Variants in PTPRR observed in about 807,000 individuals in gnomAD.
PTPRR encodes the protein receptor-type tyrosine-protein phosphatase R.
A neutral mutation model predicts 77.2 loss-of-function variants in PTPRR; 38 were observed. The ratio of observed to expected loss-of-function variants is 0.49; its 90% confidence interval spans 0.38 to 0.65. The LOEUF (loss-of-function observed/expected upper bound fraction) is 0.65, where lower values mean the gene tolerates loss of function less well. Among genes scored for constraint, PTPRR ranks in the 30% least tolerant of loss-of-function variants. The pLI is 0.00. For missense variants in PTPRR, 744 were observed against 799.2 expected, an observed-to-expected ratio of 0.93 and a Z score of 0.83; for synonymous variants, 299 against 283.1, an observed-to-expected ratio of 1.06 and a Z score of -0.57.
Position 70,746,102 on chromosome 12 carries a change from TA to T in PTPRR, c.739-17del, listed in dbSNP as rs764108650. 4 of 1,598,594 alleles carry T rather than the reference TA, an allele frequency of 2.5e-6. No individual in the cohort carries two copies. The highest frequency in any genetic ancestry group is 2.2e-5 in the South Asian group (2 of 89,282). On this transcript the variant is annotated splice_polypyrimidine_tract_variant and intron_variant, in intron 5 of 13. Coordinates refer to ENST00000283228, the MANE Select transcript of PTPRR (RefSeq NM_002849.4). The stretch of plus-strand genomic sequence containing the variant: ...TGTAAAGAATCTATAGAAGGAGATA[TA>T]AAAAACTCCTGTCACATTTTCTCAC...
At chr12:70,787,485 C>G (rs1891346953) in intron 2 of PTPRR, among the ~76,000 whole-genome samples, 1 of 152,128 alleles carries the variant, frequency 6.6e-6, no homozygotes, top group Non-Finnish European at 1.5e-5. Flanking sequence ...AGCTTAATTT[C>G]TTTTAAATGA....
At chr12:70,771,562 A>T (rs2904517) in intron 2 of PTPRR, among the ~76,000 whole-genome samples, 55,761 of 151,834 alleles carry the variant, frequency 0.37, 12,284 homozygotes, top group African/African-American at 0.62. Context: ...TTGATTTTTT[A>T]AAAAGATGGT....
chr12:70,831,355 T>C (rs1260374969), intron 2 of PTPRR, among the ~76,000 whole-genome samples: 1 of 152,194 alleles, frequency 6.6e-6, no homozygotes, highest in Non-Finnish European at 1.5e-5. Context: ...CCCAGCAGTC[T>C]TACTATACTA....
intron 2 of PTPRR, among the ~76,000 whole-genome samples, chr12:70,824,814 AAAGCTGACTCTC>A (rs764629194): frequency 2.0e-5 from 3 of 152,186 alleles, no homozygotes; most frequent in Non-Finnish European, 4.4e-5. Context: ...GGGACTAAAC[AAAGCTGACTCTC>A]ACATACTGCT....
At chr12:70,734,519 G>C (rs1257033832) in intron 6 of PTPRR, among the ~76,000 whole-genome samples, 2 of 152,114 alleles carry the variant, frequency 1.3e-5, no homozygotes, top group Non-Finnish European at 2.9e-5. Flanking sequence ...TGGGGGTCAG[G>C]GTGGAAGGGC....
In PTPRR at chr12:70,764,754, G is replaced by C; in HGVS notation, c.382C>G (p.Leu128Val). 1.9e-6 allele frequency: 3 copies of C among 1,613,950 alleles called. No homozygotes were observed. Among genetic ancestry groups the C allele is most frequent in the Non-Finnish European group, 2.5e-6 (3 of 1,179,856 alleles). The stretch of plus-strand genomic sequence containing the variant: ...AAGATCCGAAGCAAGGTTATGTTCA[G>C]CTTGTTTACATCCATTTGCAGTGTC... ...VVTLQMDVNK[L>V]NITLLRIFRQ... Residue 128 changes from leucine (L) to valine (V), a missense_variant, in exon 3 of 14, where the codon CTG becomes GTG. By Grantham distance (32) the Leu-to-Val change is conservative. This residue lies in a region of PTPRR where 570 missense variants were observed against 573.2 expected (regional missense o/e 0.99). Transcript: ENST00000283228.
chr12:70,906,805 G>T (rs1439156900), intron 1 of PTPRR: 1 of 151,480 alleles, frequency 6.6e-6, no homozygotes, highest in Non-Finnish European at 1.5e-5. Flanking sequence ...GTTACAAAAA[G>T]TTTTTTTAAA....
intron 1 of PTPRR, among the ~76,000 whole-genome samples, chr12:70,905,987 T>C (rs1428093134): frequency 1.3e-5 from 2 of 152,030 alleles, no homozygotes; most frequent in East Asian, 1.9e-4. Context: ...TGAGAAATGA[T>C]TAGGCTCCCA....
chr12:70,702,770 A>T (rs907954483), intron 6 of PTPRR, among the ~76,000 whole-genome samples: 1 of 152,140 alleles, frequency 6.6e-6, no homozygotes, highest in Non-Finnish European at 1.5e-5. Context: ...GTAAGTTTAG[A>T]CATTTATTTT....
chr12:70,656,054 A>C (rs1387107913), intron 13 of PTPRR, among the ~76,000 whole-genome samples: 1 of 151,964 alleles, frequency 6.6e-6, no homozygotes, highest in African/African-American at 2.4e-5. Context: ...TCTACAAAAA[A>C]AAAAATTACA....
At chr12:70,914,989 C>T (rs767973006) in intron 1 of PTPRR, among the ~76,000 whole-genome samples, 4 of 152,062 alleles carry the variant, frequency 2.6e-5, no homozygotes, top group Non-Finnish European at 5.9e-5. Context: ...GTATAATTAT[C>T]CAGGGAGATT....
intron 6 of PTPRR, among the ~76,000 whole-genome samples, chr12:70,739,077 T>C: frequency 6.6e-6 from 1 of 152,322 alleles, no homozygotes; most frequent in Non-Finnish European, 1.5e-5. Context: ...TATTTACAAA[T>C]AGGATGAACA....
chr12:70,720,363 A>G (rs1004270438), intron 6 of PTPRR, among the ~76,000 whole-genome samples: 1 of 152,078 alleles, frequency 6.6e-6, no homozygotes, highest in Non-Finnish European at 1.5e-5. Context: ...TATGAGGAGG[A>G]AATGATTTTA....
intron 2 of PTPRR, among the ~76,000 whole-genome samples, chr12:70,797,539 G>A (rs985917144): frequency 3.9e-5 from 6 of 151,994 alleles, no homozygotes; most frequent in Non-Finnish European, 5.9e-5. Flanking sequence ...TACAGTTTCT[G>A]CCTCATCATC....
At chr12:70,866,466 C>T (rs1592802054) in intron 2 of PTPRR, among the ~76,000 whole-genome samples, 1 of 152,152 alleles carries the variant, frequency 6.6e-6, no homozygotes, top group Non-Finnish European at 1.5e-5. Context: ...CATACACCCT[C>T]CCAAGACTAA....
chr12:70,920,267 G>T, intron 1 of PTPRR, 66 bp downstream of exon 1: 1 of 1,519,098 alleles, frequency 6.6e-7, no homozygotes, highest in Non-Finnish European at 9.1e-7. Context: ...TTTTCCTAGA[G>T]TCCTTAAGCA....
rs190226542 is a variant in PTPRR at position 70,709,699 on chromosome 12, G to A, written c.1008-8376C>T. On this transcript the variant is annotated intron_variant, in intron 6 of 13. Coordinates refer to ENST00000283228, the MANE Select transcript of PTPRR (RefSeq NM_002849.4). Reference sequence around the variant, plus strand: ...CTAGCATTCTTGTACACCAACAACAGTCAAGCCAAGAGGCAAATCAGGAAT... The same window carrying A: ...CTAGCATTCTTGTACACCAACAACAATCAAGCCAAGAGGCAAATCAGGAAT... Among the ~76,000 whole-genome samples, 749 of 152,176 alleles carry A rather than the reference G, an allele frequency of 4.9e-3. 5 individuals carry two copies. The highest frequency in any genetic ancestry group is 0.017 in the African/African-American group (689 of 41,538).
chr12:70,884,579 A>AT (rs1009005978), intron 2 of PTPRR, among the ~76,000 whole-genome samples: 3 of 152,026 alleles, frequency 2.0e-5, no homozygotes, highest in East Asian at 1.9e-4. Context: ...TGGATTAAAA[A>AT]TTTTTTTGCC....
intron 2 of PTPRR, among the ~76,000 whole-genome samples, chr12:70,859,217 C>A (rs77007134): frequency 1.3e-5 from 2 of 151,922 alleles, no homozygotes. Flanking sequence ...TATAGAATCA[C>A]GTATGCCAAT....
Sources: allele counts gnomAD v4.1 joint callset (sites outside exome capture counted in the v4.1 genomes callset), GRCh38; gene constraint gnomAD v4.1.1; regional missense constraint gnomAD v4.1.1; transcripts MANE v1.5; gene names NCBI Gene and HGNC (gene_info 2026-07-23, HGNC 2026-07-21).